Variants in NXPE4 observed in about 807,000 individuals in gnomAD.
NXPE4 encodes the protein neurexophilin and PC-esterase domain family member 4.
NXPE4 carries 42 observed loss-of-function variants against 33.3 expected under a neutral mutation model. The ratio of observed to expected loss-of-function variants is 1.26; its 90% CI spans 0.98 to 1.63. NXPE4 has a LOEUF of 1.63. Ranked by LOEUF, NXPE4 falls within the 40% of genes most tolerant of loss-of-function variation. The pLI is 0.00. For synonymous variants in NXPE4, 253 were observed against 234.9 expected (o/e 1.08, Z -0.71); for missense variants, 709 against 647.6 (o/e 1.09, Z -1.03).
chr11:114,591,960 T>G (rs1949466819), intron 2 of NXPE4, among the ~76,000 whole-genome samples: 1 of 152,164 alleles, frequency 6.6e-6, no homozygotes, highest in Non-Finnish European at 1.5e-5. Flanking sequence ...GAAAAGACAC[T>G]TGATAACATT....
chr11:114,660,284 C>T, the NXPE4 span, among the ~76,000 whole-genome samples: 5 of 151,866 alleles, frequency 3.3e-5, no homozygotes, highest in Admixed American at 2.6e-4. Context: ...AAGCACTTTG[C>T]AATTCATTTT....
the NXPE4 span, among the ~76,000 whole-genome samples, chr11:114,660,658 C>G: frequency 6.6e-6 from 1 of 151,852 alleles, no homozygotes; most frequent in Non-Finnish European, 1.5e-5. Context: ...ATATCATGTT[C>G]AATGGTGAAA....
At chr11:114,574,726 T>C (rs1468883750) in intron 5 of NXPE4, among the ~76,000 whole-genome samples, 1 of 151,576 alleles carries the variant, frequency 6.6e-6, no homozygotes, top group African/African-American at 2.4e-5. Flanking sequence ...CACAAAAAGT[T>C]CAGGATAGAT....
chr11:114,591,300 T>A (rs1949447045), intron 2 of NXPE4, among the ~76,000 whole-genome samples: 1 of 152,224 alleles, frequency 6.6e-6, no homozygotes, highest in Admixed American at 6.5e-5. Flanking sequence ...TAATTCTCCA[T>A]GCTCATGCTA....
the NXPE4 span, among the ~76,000 whole-genome samples, chr11:114,624,255 G>T: frequency 6.7e-6 from 1 of 148,890 alleles, no homozygotes; most frequent in Non-Finnish European, 1.5e-5. Flanking sequence ...ACTGTGACCC[G>T]GTGGATAATA....
the NXPE4 span, among the ~76,000 whole-genome samples, chr11:114,654,245 G>A: frequency 6.6e-6 from 1 of 151,860 alleles, no homozygotes; most frequent in African/African-American, 2.4e-5. Context: ...AGCCCCTCAG[G>A]AGCTTTGAAT....
the NXPE4 span, among the ~76,000 whole-genome samples, chr11:114,670,528 C>CA: frequency 6.6e-6 from 1 of 151,680 alleles, no homozygotes; most frequent in African/African-American, 2.4e-5. Context: ...ATCATCTCTA[C>CA]AAAAAATTAA....
chr11:114,650,095 A>G, the NXPE4 span, among the ~76,000 whole-genome samples: 12 of 152,338 alleles, frequency 7.9e-5, no homozygotes, highest in Admixed American at 5.2e-4. Context: ...CAGGTAATAT[A>G]CAAAAGTGTA....
Position 114,582,638 on chromosome 11 carries a change from G to T in NXPE4, c.480C>A (p.Asn160Lys), listed in dbSNP as rs565925125. ...GASGKVTDFN[N>K]GTYLVSFTLF... Reference sequence around the variant, plus strand: ...GAGTGAAGCTGACCAGGTAGGTGCCGTTGTTGAAGTCAGTCACCTTTCCTG... The same window carrying T: ...GAGTGAAGCTGACCAGGTAGGTGCCTTTGTTGAAGTCAGTCACCTTTCCTG... Residue 160 changes from asparagine (N) to lysine (K), a missense_variant, in exon 3 of 6, where the codon AAC (asparagine) becomes AAA (lysine). By Grantham distance (94) the Asn-to-Lys change is moderately conservative (BLOSUM62 0). Coordinates refer to ENST00000375478, the MANE Select transcript of NXPE4 (RefSeq NM_001077639.2). 12 of 1,614,020 alleles carry T rather than the reference G, an allele frequency of 7.4e-6. No individual in the cohort carries two copies. Among genetic ancestry groups the T allele is most frequent in the Non-Finnish European group, 1.0e-5 (12 of 1,180,024 alleles).
At chr11:114,576,994 T>C (rs1373622614) in intron 5 of NXPE4, among the ~76,000 whole-genome samples, 3 of 89,554 alleles carry the variant, frequency 3.3e-5, no homozygotes, top group Admixed American at 1.5e-4. Context: ...TATATATACA[T>C]ATATATATAT....
At chr11:114,654,352 T>A in the NXPE4 span, among the ~76,000 whole-genome samples, 3 of 152,062 alleles carry the variant, frequency 2.0e-5, no homozygotes, top group Non-Finnish European at 4.4e-5. Flanking sequence ...ATTTTTTTTT[T>A]ATTTCTTCTA....
At chr11:114,655,271 G>A in the NXPE4 span, among the ~76,000 whole-genome samples, 76,133 of 151,998 alleles carry the variant, frequency 0.5, 20,209 homozygotes, top group East Asian at 0.79. Flanking sequence ...CCATTCTGTA[G>A]GTTGCTTGTT....
At chr11:114,573,882 A>C (rs1948943197) in intron 5 of NXPE4, among the ~76,000 whole-genome samples, 1 of 152,152 alleles carries the variant, frequency 6.6e-6, no homozygotes, top group Non-Finnish European at 1.5e-5. Context: ...TTTACAGAAC[A>C]TTCTACCCAA....
the NXPE4 span, among the ~76,000 whole-genome samples, chr11:114,653,387 C>A: frequency 6.6e-6 from 1 of 152,224 alleles, no homozygotes; most frequent in East Asian, 1.9e-4. Flanking sequence ...AGACAATAAA[C>A]CATCTATTTT....
the NXPE4 span, among the ~76,000 whole-genome samples, chr11:114,676,927 A>C: frequency 2.0e-5 from 3 of 152,084 alleles, no homozygotes; most frequent in Non-Finnish European, 4.4e-5. Context: ...GGTGTTGCTC[A>C]GCCTTAAAAA....
At chr11:114,628,737 G>T in the NXPE4 span, among the ~76,000 whole-genome samples, 7 of 151,530 alleles carry the variant, frequency 4.6e-5, no homozygotes, top group African/African-American at 1.2e-4. Context: ...CCAGGAGCTG[G>T]TTTTTTGAAA....
the NXPE4 span, among the ~76,000 whole-genome samples, chr11:114,634,950 C>A: frequency 9.1e-3 from 1,386 of 151,992 alleles, 22 homozygotes; most frequent in African/African-American, 0.032. Flanking sequence ...GATGAGGGCC[C>A]TTTTTTGGTT....
the NXPE4 span, among the ~76,000 whole-genome samples, chr11:114,666,526 CT>C: frequency 3.9e-5 from 6 of 152,062 alleles, no homozygotes; most frequent in African/African-American, 1.4e-4. Context: ...AGGTAATTCT[CT>C]TTTTTTCAGA....
the NXPE4 span, among the ~76,000 whole-genome samples, chr11:114,639,359 G>A: frequency 6.6e-6 from 1 of 151,958 alleles, no homozygotes; most frequent in Non-Finnish European, 1.5e-5. Context: ...GATTTTCCAG[G>A]TGCCGTCTGT....
Sources: gnomAD v4.1 joint callset for allele counts (sites outside exome capture counted in the v4.1 genomes callset) on GRCh38, gnomAD v4.1.1 for gene constraint, MANE v1.5 for transcripts, NCBI Gene and HGNC (gene_info 2026-07-23, HGNC 2026-07-21) for gene names.